The following PHACTR2 variants were observed in gnomAD, a reference collection of about 807,000 sequenced individuals.
The protein encoded by PHACTR2 is chromosome 6 open reading frame 56.
PHACTR2 carries 30 observed loss-of-function variants against 76.0 expected under a neutral mutation model. The ratio of observed to expected loss-of-function variants is 0.39; its 90% CI spans 0.30 to 0.54. The LOEUF (loss-of-function observed/expected upper bound fraction) is 0.54. Among genes scored for constraint, PHACTR2 ranks in the 20% least tolerant of loss-of-function variants. PHACTR2 has a pLI of 0.61. For missense variants in PHACTR2, 696 were observed against 781.1 expected (o/e 0.89, Z 1.30); for synonymous variants, 292 against 292.5 (o/e 1.00, Z 0.02).
intron 11 of PHACTR2, among the ~76,000 whole-genome samples, chr6:143,790,822 C>G (rs896894010): frequency 6.6e-6 from 1 of 151,988 alleles, no homozygotes; most frequent in East Asian, 1.9e-4. Context: ...TACAGGCGCC[C>G]GCCACCACGC....
intron 1 of PHACTR2, among the ~76,000 whole-genome samples, chr6:143,582,284 G>C (rs2128433227): frequency 6.6e-6 from 1 of 152,300 alleles, no homozygotes; most frequent in East Asian, 1.9e-4. Context: ...GAGTTCAGAA[G>C]TCAAAATTAC....
intron 2 of PHACTR2, among the ~76,000 whole-genome samples, chr6:143,715,911 A>T (rs533043290): frequency 9.2e-5 from 14 of 152,304 alleles, no homozygotes; most frequent in African/African-American, 3.4e-4. Flanking sequence ...TATCCTGTCA[A>T]TTCCTGTTGT....
chr6:143,572,657 A>G (rs1775457064), intron 1 of PHACTR2, among the ~76,000 whole-genome samples: 1 of 152,128 alleles, frequency 6.6e-6, no homozygotes, highest in South Asian at 2.1e-4. Context: ...GGCTCAAGCA[A>G]TCCTCATGCC....
At position 143,699,801 on chromosome 6, in the gene PHACTR2, G is replaced by A. The variant is rs115161419; in HGVS notation, c.47-12215G>A. Among the ~76,000 whole-genome samples the A allele has an allele frequency of 8.6e-3, 1,314 of 151,938 alleles. 24 individuals carry two copies. Among genetic ancestry groups the A allele is most frequent in the African/African-American group, 0.03 (1,225 of 41,450 alleles). ...CATCCATCATTTCCAGTCCCTTTTC[G>A]CTCCTTCTCTCCAAGTTCAGATGCC... On this transcript the variant is annotated intron_variant, in intron 1 of 12. Coordinates refer to ENST00000440869, the MANE Select transcript of PHACTR2 (RefSeq NM_001100164.2).
chr6:143,659,287 T>A lies in PHACTR2; in HGVS notation c.13+50965T>A, dbSNP rs1018968052. ...TTTTTTACTTTATAAACTTTAAAAATTTTTTAAACTTTTTTACTGTTTTGT... is the reference window on the plus strand; with the variant it reads ...TTTTTTACTTTATAAACTTTAAAAAATTTTTAAACTTTTTTACTGTTTTGT... On this transcript the variant is annotated intron_variant, in intron 1 of 11. Coordinates refer to the PHACTR2 transcript ENST00000305766. This position sits in a 1 kb window ranked among gnomAD's most constrained non-coding sequence, Gnocchi z 5.0. 1.1e-4 allele frequency among the ~76,000 whole-genome samples: 16 copies of A among 152,194 alleles called. No homozygotes were observed. Among genetic ancestry groups the A allele is most frequent in the African/African-American group, 2.9e-4 (12 of 41,450 alleles).
intron 9 of PHACTR2, among the ~76,000 whole-genome samples, chr6:143,779,460 T>C (rs1775365840): frequency 1.3e-5 from 2 of 151,902 alleles, no homozygotes; most frequent in Non-Finnish European, 2.9e-5. Context: ...GTGATTTTCC[T>C]GCCTCAGTCG....
At chr6:143,604,786 C>T (rs747069761), upstream of PHACTR2, among the ~76,000 whole-genome samples, 6 of 150,872 alleles carry the variant, frequency 4.0e-5, no homozygotes, top group Non-Finnish European at 8.8e-5. Context: ...CAGCTACTCG[C>T]GAGGCTGAGG....
rs542727079 is a variant in PHACTR2 at position 143,679,168 on chromosome 6, G to A, written c.46+959G>A. On this transcript the variant is annotated intron_variant, in intron 1 of 12. Coordinates refer to ENST00000440869, the MANE Select transcript of PHACTR2 (RefSeq NM_001100164.2). The surrounding 1 kb of genome is among the most constrained non-coding windows in gnomAD (Gnocchi z 4.6). Reference sequence around the variant, plus strand: ...GGTACAGAGGAAGGTTTTTTAATCTGCCTCAGGATGTCTAGCTAGATAGCA... The same window carrying A: ...GGTACAGAGGAAGGTTTTTTAATCTACCTCAGGATGTCTAGCTAGATAGCA... Among the ~76,000 whole-genome samples the A allele has an allele frequency of 1.3e-5, 2 of 152,232 alleles. No homozygotes were observed. The highest frequency in any genetic ancestry group is 2.4e-5 in the African/African-American group (1 of 41,540).
Position 143,807,164 on chromosome 6 carries a change from A to G in PHACTR2, c.1922+31A>G. On this transcript the variant is annotated intron_variant, in intron 12 of 12. Coordinates refer to ENST00000440869, the MANE Select transcript of PHACTR2 (RefSeq NM_001100164.2). This position sits in a 1 kb window ranked among gnomAD's most constrained non-coding sequence, Gnocchi z 5.5. ...TGACAAAATGCAGCTTAGAAATTGA[A>G]AATGCTTAAGATGTGATCCCATGTT... The G allele has an allele frequency of 7.4e-7, 1 of 1,348,554 alleles. No homozygotes were observed. Among genetic ancestry groups the G allele is most frequent in the Non-Finnish European group, 1.1e-6 (1 of 948,046 alleles). 83.5% of individuals were successfully genotyped at this position (1,348,554 alleles called of 1,614,324 possible).
chr6:143,703,339 A>G (rs1363165212), intron 1 of PHACTR2, among the ~76,000 whole-genome samples: 1 of 152,082 alleles, frequency 6.6e-6, no homozygotes, highest in African/African-American at 2.4e-5. Context: ...GTGCAATATC[A>G]TTTACATTCT....
chr6:143,745,186 C>A (rs1779029556), intron 2 of PHACTR2, among the ~76,000 whole-genome samples: 1 of 152,170 alleles, frequency 6.6e-6, no homozygotes, highest in South Asian at 2.1e-4. Context: ...CAAAGAGCAG[C>A]TGGTGGGATA....
chr6:143,779,000 CT>C (rs1015002387), intron 9 of PHACTR2, among the ~76,000 whole-genome samples: 1 of 152,050 alleles, frequency 6.6e-6, no homozygotes, highest in East Asian at 1.9e-4. Flanking sequence ...GACTCCAGCC[CT>C]TTTTTTCCTT....
chr6:143,677,985 C>A lies in PHACTR2; in HGVS notation c.-179C>A. ...CAGGCATCCGCTGGGCAGGATCCGC[C>A]GCGCCGGCTGCGGCCGGCCGGGCTG... On this transcript the variant is annotated 5_prime_UTR_variant, in exon 1 of 13. Transcript: ENST00000440869. 3.5e-6 allele frequency: 5 copies of A among 1,436,818 alleles called. No homozygotes were observed. In the African/African-American group the frequency reaches 4.5e-5, roughly 13 times the overall value. The allele number at this position is 1,436,818 out of a possible 1,614,324, so 89.0% of individuals were successfully genotyped here. A position where few individuals can be genotyped will look rare whatever the true frequency, so the allele number is the denominator to read the frequency against.
rs998399984 is a variant in PHACTR2, at chr6:143,571,156, T to A, written c.217+33949T>A. The stretch of plus-strand genomic sequence containing the variant: ...GTAGGTAAAGAGCAGTACAGTACAG[T>A]ACTTCTAACTAATCTGCAGCTGTCA... On this transcript the variant is annotated intron_variant, in intron 1 of 11. Coordinates refer to the PHACTR2 transcript ENST00000367584. This position sits in a 1 kb window ranked among gnomAD's most constrained non-coding sequence, Gnocchi z 4.6. Among the ~76,000 whole-genome samples, 6 of 152,216 alleles carry A rather than the reference T, an allele frequency of 3.9e-5. No individual in the cohort carries two copies. The highest frequency in any genetic ancestry group is 5.9e-5 in the Non-Finnish European group (4 of 68,042).
At chr6:143,568,242 G>A (rs1775390332) in intron 1 of PHACTR2, among the ~76,000 whole-genome samples, 1 of 152,172 alleles carries the variant, frequency 6.6e-6, no homozygotes, top group Non-Finnish European at 1.5e-5. Flanking sequence ...TGTCCCCTGA[G>A]TTCCCTGAGT....
chr6:143,776,803 G>A lies in PHACTR2; in HGVS notation c.1590-525G>A, dbSNP rs1775289710. On this transcript the variant is annotated intron_variant, in intron 8 of 12. Coordinates refer to ENST00000440869, the MANE Select transcript of PHACTR2 (RefSeq NM_001100164.2). This position sits in a 1 kb window ranked among gnomAD's most constrained non-coding sequence, Gnocchi z 5.3. ...GTAGGTGAGCGATCCAGTATGGTGG[G>A]AGCATGGCTCCTTGAAGTCTGCCTG... Among the ~76,000 whole-genome samples, 1 of 152,228 alleles carries A rather than the reference G, an allele frequency of 6.6e-6. No homozygotes were observed. Among genetic ancestry groups the A allele is most frequent in the South Asian group, 2.1e-4 (1 of 4,824 alleles).
chr6:143,819,889 A>G lies in PHACTR2; in HGVS notation c.1923-3785A>G, dbSNP rs992163643. On this transcript the variant is annotated intron_variant, in intron 12 of 12. Transcript: ENST00000440869. The surrounding 1 kb of genome is among the most constrained non-coding windows in gnomAD (Gnocchi z 5.0). ...ACCTGAGACTAGGTAATTTATAAGA[A>G]AACAGGTTTAATTGGCTCACAGTTC... Among the ~76,000 whole-genome samples, 1 of 152,152 alleles carries G rather than the reference A, an allele frequency of 6.6e-6. No homozygotes were observed. Among genetic ancestry groups the G allele is most frequent in the Admixed American group, 6.5e-5 (1 of 15,284 alleles).
At chr6:143,734,165 T>C (rs866961525) in intron 2 of PHACTR2, among the ~76,000 whole-genome samples, 1 of 152,170 alleles carries the variant, frequency 6.6e-6, no homozygotes, top group Non-Finnish European at 1.5e-5. Flanking sequence ...TAATAGAATA[T>C]GAGTGCTAAC....
upstream of PHACTR2, among the ~76,000 whole-genome samples, chr6:143,606,811 A>G (rs1228696742): frequency 6.6e-6 from 1 of 152,188 alleles, no homozygotes; most frequent in African/African-American, 2.4e-5. Flanking sequence ...TGATTTTTTA[A>G]ATTCATAGAG....
Sources: gnomAD v4.1 joint callset for allele counts (sites outside exome capture counted in the v4.1 genomes callset) on GRCh38, gnomAD v4.1.1 for gene constraint, Gnocchi (gnomAD v3.1) non-coding constraint, MANE v1.5 for transcripts, NCBI Gene and HGNC (gene_info 2026-07-23, HGNC 2026-07-21) for gene names.